SHOC2: variants seen among roughly 807,000 people sequenced by gnomAD.
SHOC2 encodes the protein leucine-rich repeat protein SHOC-2.
In SHOC2, 4 loss-of-function variants were observed where a neutral mutation model predicts 50.2. That is an observed-to-expected ratio of 0.08 (90% confidence interval 0.04 to 0.18). SHOC2 has a LOEUF of 0.18. SHOC2 is among the 10% of genes least tolerant of loss of function. SHOC2 has a pLI of 1.00. For missense variants in SHOC2, 388 were observed against 669.6 expected (o/e 0.58, Z 4.64); for synonymous variants, 218 against 244.5 (o/e 0.89, Z 1.01).
In SHOC2 at chr10:110,981,843, C is replaced by CTTATTTAT. The variant is rs1554859788; in HGVS notation, c.704-3762_704-3755dup. ...CTTTTATATTGTTGAATTCAGTTTTCTTATTTATTTATTTATTTATTTATT... is the reference window on the plus strand; with the variant it reads ...CTTTTATATTGTTGAATTCAGTTTTCTTATTTATTTATTTATTTATTTATTTATTTATT... On this transcript the variant is annotated intron_variant, in intron 2 of 8. Coordinates refer to ENST00000369452, the MANE Select transcript of SHOC2 (RefSeq NM_007373.4). Among the ~76,000 whole-genome samples the CTTATTTAT allele has an allele frequency of 6.4e-5, 8 of 125,876 alleles. 2 individuals are homozygous for CTTATTTAT. Among genetic ancestry groups the CTTATTTAT allele is most frequent in the Admixed American group, 8.2e-5 (1 of 12,210 alleles). 82.6% of individuals were successfully genotyped at this position (125,876 alleles called of 152,430 possible).
intron 1 of SHOC2, among the ~76,000 whole-genome samples, chr10:110,940,485 C>T (rs968497866): frequency 6.6e-6 from 1 of 152,102 alleles, no homozygotes; most frequent in Non-Finnish European, 1.5e-5. Context: ...CATTCAAAGT[C>T]CTCTAAATGT....
chr10:110,929,798 G>A (rs990604763), intron 1 of SHOC2, among the ~76,000 whole-genome samples: 2 of 152,154 alleles, frequency 1.3e-5, no homozygotes, highest in African/African-American at 4.8e-5. Context: ...GGAGGTTATA[G>A]CTTCAGCATA....
intron 3 of SHOC2, among the ~76,000 whole-genome samples, chr10:110,993,558 G>A (rs1564725437): frequency 3.3e-5 from 5 of 151,896 alleles, no homozygotes; most frequent in Non-Finnish European, 4.4e-5. Flanking sequence ...AACCCCTTCC[G>A]CCCCAGCAAA....
intron 1 of SHOC2, among the ~76,000 whole-genome samples, chr10:110,920,849 C>T (rs542637854): frequency 6.6e-6 from 1 of 152,268 alleles, no homozygotes; most frequent in Admixed American, 6.5e-5. Flanking sequence ...TGATAACTAC[C>T]AGCAGTGTCT....
intron 2 of SHOC2, among the ~76,000 whole-genome samples, chr10:110,974,866 C>T (rs948011584): frequency 3.9e-5 from 6 of 152,232 alleles, no homozygotes; most frequent in Middle Eastern, 6.8e-3. Flanking sequence ...CATAATAATA[C>T]ATTGATACTA....
chr10:111,002,420 T>C (rs1043581751), intron 4 of SHOC2, among the ~76,000 whole-genome samples: 4 of 152,198 alleles, frequency 2.6e-5, no homozygotes, highest in Non-Finnish European at 4.4e-5. Flanking sequence ...TCAGAGCTGC[T>C]AAAATGACTA....
intron 8 of SHOC2, among the ~76,000 whole-genome samples, chr10:111,010,343 CTTGA>C (rs1848544323): frequency 6.6e-6 from 1 of 151,948 alleles, no homozygotes; most frequent in African/African-American, 2.4e-5. Flanking sequence ...AAGAGAATTA[CTTGA>C]TTAAGGTAAT....
chr10:111,003,802 T>G (rs142847315), intron 4 of SHOC2, among the ~76,000 whole-genome samples: 26 of 152,336 alleles, frequency 1.7e-4, no homozygotes, highest in Non-Finnish European at 2.9e-4. Flanking sequence ...GCCCAGACTT[T>G]GAATAGCAAG....
chr10:110,936,604 T>TTTTTTTTA lies in SHOC2; in HGVS notation c.-235+16947_-235+16948insTTTTTTTA. Reference sequence around the variant, plus strand: ...TTTTCTTTTCCTTTTTTTTTTTTTTTAACAGTCTTTATTGGGCTCAGACCA... The same window carrying TTTTTTTTA: ...TTTTCTTTTCCTTTTTTTTTTTTTTTTTTTTTTAAACAGTCTTTATTGGGCTCAGACCA... On this transcript the variant is annotated intron_variant, in intron 1 of 8. Coordinates refer to ENST00000369452, the MANE Select transcript of SHOC2 (RefSeq NM_007373.4). 7 of 761,818 alleles carry TTTTTTTTA rather than the reference T, an allele frequency of 9.2e-6. No homozygotes were observed. In the East Asian group the frequency reaches 1.4e-4, roughly 15 times the overall value. 47.2% of individuals were successfully genotyped at this position (761,818 alleles called of 1,614,324 possible).
chr10:110,920,345 G>C (rs1291696047), intron 1 of SHOC2, among the ~76,000 whole-genome samples: 1 of 152,096 alleles, frequency 6.6e-6, no homozygotes, highest in Non-Finnish European at 1.5e-5. Context: ...TAGGGAGAGA[G>C]GAAAAGTAGT....
chr10:110,973,865 CAT>C (rs755294328), intron 2 of SHOC2, among the ~76,000 whole-genome samples: 4 of 150,192 alleles, frequency 2.7e-5, no homozygotes, highest in Admixed American at 6.6e-5. Context: ...TTTAATGTTC[CAT>C]ATATATATAT....
intron 1 of SHOC2, among the ~76,000 whole-genome samples, chr10:110,939,332 C>T (rs1005868566): frequency 5.3e-5 from 8 of 152,160 alleles, no homozygotes; most frequent in Non-Finnish European, 1.0e-4. Flanking sequence ...ATCCTCTCAC[C>T]TTAGCCTCCT....
At position 110,957,399 on chromosome 10, in the gene SHOC2, A is replaced by G. The variant is rs574968403; in HGVS notation, c.-234-6726A>G. On this transcript the variant is annotated intron_variant, in intron 1 of 8. Transcript: ENST00000369452. ...AATTTACTATCTTTTTAGCTTTTTA[A>G]TGCTCGTCTGTTATACCGACTCTTT... 3.9e-5 allele frequency among the ~76,000 whole-genome samples: 6 copies of G among 152,194 alleles called. No homozygotes were observed. The East Asian group carries it at 5.8e-4, about 15-fold the overall frequency.
At chr10:110,944,906 C>G (rs996491765) in intron 1 of SHOC2, among the ~76,000 whole-genome samples, 5 of 152,184 alleles carry the variant, frequency 3.3e-5, no homozygotes, top group African/African-American at 1.2e-4. Context: ...CTTCAACACT[C>G]AGCTGGGTAG....
At chr10:111,006,835 G>A (rs189776532) in intron 5 of SHOC2, among the ~76,000 whole-genome samples, 17 of 152,264 alleles carry the variant, frequency 1.1e-4, no homozygotes, top group African/African-American at 3.4e-4. Flanking sequence ...ATTGTGGTAC[G>A]AGTTGTTATT....
At position 110,997,538 on chromosome 10, in the gene SHOC2, C is replaced by CCG. The variant is rs1564726748; in HGVS notation, c.842-2876_842-2875insGC. ...CACAATTTTATCATGCTTTTTCCCC[C>CCG]CCAACTTAACATCATACCTGAAAGT... On this transcript the variant is annotated intron_variant, in intron 3 of 8. Coordinates refer to ENST00000369452, the MANE Select transcript of SHOC2 (RefSeq NM_007373.4). Among the ~76,000 whole-genome samples, 26 of 152,152 alleles carry CCG rather than the reference C, an allele frequency of 1.7e-4. No individual in the cohort carries two copies. In the East Asian group the frequency reaches 2.9e-3, roughly 17 times the overall value.
At chr10:110,998,705 C>T (rs564720763) in intron 3 of SHOC2, among the ~76,000 whole-genome samples, 3 of 152,084 alleles carry the variant, frequency 2.0e-5, no homozygotes, top group African/African-American at 4.8e-5. Flanking sequence ...CATTTTTCTG[C>T]GTTATAGTTG....
intron 1 of SHOC2, 132 bp from the exon 2 acceptor site, chr10:110,963,993 C>A: frequency 2.5e-6 from 1 of 398,398 alleles, no homozygotes. Context: ...GGATTTTTAC[C>A]TATAAAGGAT....
chr10:110,955,442 G>A (rs1847441200), intron 1 of SHOC2, among the ~76,000 whole-genome samples: 1 of 152,160 alleles, frequency 6.6e-6, no homozygotes, highest in South Asian at 2.1e-4. Flanking sequence ...GATTTTGGAA[G>A]GAAATCAAGT....
Sources: allele counts gnomAD v4.1 joint callset (sites outside exome capture counted in the v4.1 genomes callset), GRCh38; gene constraint gnomAD v4.1.1; transcripts MANE v1.5; gene names NCBI Gene and HGNC (gene_info 2026-07-23, HGNC 2026-07-21).